Variants in NDUFS2 observed in about 807,000 individuals in gnomAD.
NDUFS2 encodes NADH:ubiquinone oxidoreductase core subunit S2.
A neutral mutation model predicts 69.6 loss-of-function variants in NDUFS2; 38 were observed. The ratio of observed to expected loss-of-function variants is 0.55; its 90% confidence interval spans 0.42 to 0.72. The LOEUF is 0.72. Among genes scored for constraint, NDUFS2 ranks in the 30% least tolerant of loss-of-function variants. The probability of loss-of-function intolerance (pLI) is 0.00; values close to 1 mark genes in which losing one functional copy is unlikely to be tolerated. For missense variants in NDUFS2, 468 were observed against 595.0 expected (o/e 0.79, Z 2.22); for synonymous variants, 194 against 211.2 (o/e 0.92, Z 0.70).
chr1:161,212,465 G>T lies in NDUFS2; in HGVS notation c.1101G>T (p.Lys367Asn), dbSNP rs777492352. ...ATGATGCCAAAGTGTCTCCACCTAAGCGAGCAGAGATGAAGGTTGGCTGCA... is the reference window on the plus strand; with the variant it reads ...ATGATGCCAAAGTGTCTCCACCTAATCGAGCAGAGATGAAGGTTGGCTGCA... ...KVDDAKVSPP[K>N]RAEMKTSMES... The change falls in exon 10 of 14, where the codon AAG becomes AAT. Residue 367 changes from lysine (K) to asparagine (N), a missense_variant. Coordinates refer to ENST00000676972, the MANE Select transcript of NDUFS2 (RefSeq NM_001377299.1). 6.2e-7 allele frequency: 1 copy of T among 1,613,504 alleles called. No individual in the cohort carries two copies. Among genetic ancestry groups the T allele is most frequent in the South Asian group, 1.1e-5 (1 of 91,080 alleles).
rs1324263255 is a variant in NDUFS2, at chr1:161,210,352, G to A, written c.829G>A (p.Val277Ile). 6.2e-7 allele frequency: 1 copy of A among 1,614,064 alleles called. No homozygotes were observed. The highest frequency in any genetic ancestry group is 8.5e-7 in the Non-Finnish European group (1 of 1,180,000). ...GCGAAATCGGACAATTGACATTGGGGTTGTAACAGCAGAAGAAGCACTTAA... is the reference window on the plus strand; with the variant it reads ...GCGAAATCGGACAATTGACATTGGGATTGTAACAGCAGAAGAAGCACTTAA... The part of the protein sequence containing the change: ...IWRNRTIDIG[V>I]VTAEEALNYG... The change falls in exon 8 of 14, where the codon GTT (valine) becomes ATT (isoleucine). Residue 277 changes from valine to isoleucine, a missense_variant. Transcript: ENST00000676972.
chr1:161,198,549 G>A (rs1192093944), upstream of NDUFS2: 1 of 1,563,724 alleles, frequency 6.4e-7, no homozygotes, highest in Middle Eastern at 1.7e-4. This position sits in a 1 kb window ranked among gnomAD's most constrained non-coding sequence, Gnocchi z 4.7. Context: ...GGCACAATGG[G>A]GAGCAGGAGG....
rs927713073 is a variant in NDUFS2, at chr1:161,207,767, A to G, written c.393+1170A>G. 2.7e-5 allele frequency among the ~76,000 whole-genome samples: 4 copies of G among 149,558 alleles called. No homozygotes were observed. The South Asian group carries it at 8.4e-4, about 32-fold the overall frequency. ...ATTAAAAAAAAAAACCCTCCCAGATACTCTTAAGACTGATTGCCTTTCTCC... is the reference window on the plus strand; with the variant it reads ...ATTAAAAAAAAAAACCCTCCCAGATGCTCTTAAGACTGATTGCCTTTCTCC... On this transcript the variant is annotated intron_variant, in intron 3 of 13. Coordinates refer to ENST00000676972, the MANE Select transcript of NDUFS2 (RefSeq NM_001377299.1).
intron 13 of NDUFS2, 21 bp from the exon 14 acceptor site, chr1:161,214,135 T>A: frequency 6.2e-7 from 1 of 1,614,036 alleles, no homozygotes; most frequent in Middle Eastern, 1.6e-4. Flanking sequence ...CATCACTTTT[T>A]TCCTCCATCC....
chr1:161,199,882 T>G (rs947921668), upstream of NDUFS2, among the ~76,000 whole-genome samples: 10 of 139,852 alleles, frequency 7.2e-5, no homozygotes, highest in African/African-American at 2.4e-4. Flanking sequence ...CCCCCAGGGT[T>G]CCCCCTCCCC....
At chr1:161,202,510 T>G in intron 1 of NDUFS2, 30 bp downstream of exon 1, 1 of 1,589,662 alleles carries the variant, frequency 6.3e-7, no homozygotes, top group Non-Finnish European at 8.6e-7. Context: ...TCGACACACT[T>G]TCTCCAAGGC....
chr1:161,203,350 T>G (rs1665265270), intron 1 of NDUFS2, 87 bp from the exon 2 acceptor site: 9 of 1,170,586 alleles, frequency 7.7e-6, no homozygotes, highest in Admixed American at 6.9e-5. Context: ...CAGGTCATCC[T>G]TCCTGGGTCC....
Position 161,213,845 on chromosome 1 carries a change from G to A in NDUFS2, c.1297-19G>A, listed in dbSNP as rs1207178866. 1.2e-6 allele frequency: 2 copies of A among 1,613,714 alleles called. No homozygotes were observed. Among genetic ancestry groups the A allele is most frequent in the South Asian group, 1.1e-5 (1 of 91,070 alleles). On this transcript the variant is annotated intron_variant, in intron 12 of 13. Coordinates refer to ENST00000676972, the MANE Select transcript of NDUFS2 (RefSeq NM_001377299.1). The stretch of plus-strand genomic sequence containing the variant: ...CTTGCAAGTCTTAACTAACATTGTT[G>A]CCATCTCAATCTCCCTAGGCTGGTT...
chr1:161,202,505 A>G (rs368403953), intron 1 of NDUFS2, 25 bp downstream of exon 1: 1 of 1,594,616 alleles, frequency 6.3e-7, no homozygotes, highest in Non-Finnish European at 8.6e-7. Context: ...AGCTCTCGAC[A>G]CACTTTCTCC....
intron 4 of NDUFS2, 21 bp from the exon 5 acceptor site, chr1:161,209,462 G>A (rs546851263): frequency 6.2e-7 from 1 of 1,612,720 alleles, no homozygotes; most frequent in South Asian, 1.1e-5. Context: ...CCTATATCCT[G>A]TCTTCTCCTT....
At chr1:161,197,775 C>T (rs114458094), upstream of NDUFS2, among the ~76,000 whole-genome samples, 1,793 of 152,040 alleles carry the variant, frequency 0.012, 42 homozygotes, top group African/African-American at 0.041. Flanking sequence ...AGTCTGTGAC[C>T]CACCTCTGAG....
chr1:161,212,898 GTTT>G (rs907523858), intron 10 of NDUFS2, among the ~76,000 whole-genome samples: 1 of 151,550 alleles, frequency 6.6e-6, no homozygotes, highest in Non-Finnish European at 1.5e-5. Flanking sequence ...AGAGATTCGG[GTTT>G]TTTTTATTTT....
At chr1:161,202,553 C>A in intron 1 of NDUFS2, 73 bp downstream of exon 1, 1 of 1,418,534 alleles carries the variant, frequency 7.0e-7, no homozygotes, top group Non-Finnish European at 9.7e-7. Flanking sequence ...GCTTTACTCC[C>A]CCAGAAAATA....
At chr1:161,204,949 G>A (rs1665378876) in intron 2 of NDUFS2, among the ~76,000 whole-genome samples, 1 of 152,046 alleles carries the variant, frequency 6.6e-6, no homozygotes, top group Admixed American at 6.5e-5. Context: ...TACTCAGGAG[G>A]CTGAGGCAGG....
At chr1:161,200,091 A>G (rs1312811052), upstream of NDUFS2, among the ~76,000 whole-genome samples, 1 of 151,832 alleles carries the variant, frequency 6.6e-6, no homozygotes, top group Non-Finnish European at 1.5e-5. Flanking sequence ...GGCTCCCACC[A>G]TCCACCCCAC....
chr1:161,213,891 C>T lies in NDUFS2; in HGVS notation c.1324C>T (p.His442Tyr), dbSNP rs201897431. Residue 442 changes from histidine (H) to tyrosine (Y), a missense_variant, in exon 13 of 14, where the codon CAC becomes TAC. Coordinates refer to ENST00000676972, the MANE Select transcript of NDUFS2 (RefSeq NM_001377299.1). Reference protein sequence around the residue: ...LAGLDKMSKGHMLADVVAIIG... With the variant: ...LAGLDKMSKGYMLADVVAIIG... Reference sequence around the variant, plus strand: ...TGGTTTGGACAAGATGTCTAAGGGACACATGTTGGCAGATGTCGTTGCCAT... The same window carrying T: ...TGGTTTGGACAAGATGTCTAAGGGATACATGTTGGCAGATGTCGTTGCCAT... 7.1e-5 allele frequency: 115 copies of T among 1,614,228 alleles called. 2 individuals carry two copies. In the East Asian group the frequency reaches 8.5e-4, roughly 12 times the overall value.
chr1:161,207,933 C>T (rs1348931577), intron 3 of NDUFS2, among the ~76,000 whole-genome samples: 1 of 149,610 alleles, frequency 6.7e-6, no homozygotes, highest in Non-Finnish European at 1.5e-5. Flanking sequence ...TTTCAGCCCC[C>T]AGAGTAGCCA....
At chr1:161,198,717 T>C (rs1571591696), upstream of NDUFS2, 2 of 1,262,798 alleles carry the variant, frequency 1.6e-6, no homozygotes. This position sits in a 1 kb window ranked among gnomAD's most constrained non-coding sequence, Gnocchi z 4.7. Context: ...CTCTGTAGCC[T>C]GGGGGCTTGG....
At chr1:161,211,028 C>T (rs991188224) in intron 9 of NDUFS2, among the ~76,000 whole-genome samples, 1 of 152,188 alleles carries the variant, frequency 6.6e-6, no homozygotes, top group African/African-American at 2.4e-5. Flanking sequence ...GCATGAGCCA[C>T]CACGCTCAGC....
Sources: allele counts gnomAD v4.1 joint callset (sites outside exome capture counted in the v4.1 genomes callset), GRCh38; gene constraint gnomAD v4.1.1; non-coding constraint Gnocchi (gnomAD v3.1); transcripts MANE v1.5; gene names NCBI Gene and HGNC (gene_info 2026-07-23, HGNC 2026-07-21).